ESR1: variants seen among roughly 807,000 people sequenced by gnomAD.
ESR1 encodes the protein estrogen receptor.
Under a neutral mutation model 52.7 loss-of-function variants are expected in ESR1, and 12 were observed. The observed-to-expected ratio is 0.23, with a 90% CI of 0.15 to 0.37. The LOEUF is 0.37. Ranked by LOEUF, ESR1 falls within the 10% of genes least tolerant of loss-of-function variation. The pLI is 1.00. For synonymous variants in ESR1, 305 were observed against 316.8 expected (o/e 0.96, Z 0.39); for missense variants, 584 against 779.7 (o/e 0.75, Z 2.99).
intron 4 of ESR1, among the ~76,000 whole-genome samples, chr6:152,002,185 A>AGTGT (rs10578838): frequency 0.036 from 5,089 of 141,448 alleles, 95 homozygotes; most frequent in Middle Eastern, 0.049. Flanking sequence ...TTTTAAATCA[A>AGTGT]GTGTGTGTGT....
At chr6:151,750,626 T>C (rs773130561) in intron 2 of ESR1, among the ~76,000 whole-genome samples, 16 of 152,160 alleles carry the variant, frequency 1.1e-4, no homozygotes, top group Non-Finnish European at 1.9e-4. Flanking sequence ...TGAGAAACAA[T>C]CCTTTGATTT....
chr6:151,852,639 G>GTTTT lies in ESR1; in HGVS notation c.643+9866_643+9869dup, dbSNP rs35050297. On this transcript the variant is annotated intron_variant, in intron 2 of 7. Coordinates refer to ENST00000206249, the MANE Select transcript of ESR1 (RefSeq NM_000125.4). The stretch of plus-strand genomic sequence containing the variant: ...ATGTCCAAACAAGAACCAAGCAGGT[G>GTTTT]TTTTTTTTTTTTTTTTTGCAGATTA... 1.2e-3 allele frequency among the ~76,000 whole-genome samples: 154 copies of GTTTT among 127,912 alleles called. 1 individual carries two copies. Among genetic ancestry groups the GTTTT allele is most frequent in the East Asian group, 4.4e-3 (18 of 4,062 alleles). The allele number at this position is 127,912 out of a possible 152,430, so 83.9% of individuals were successfully genotyped here.
intron 4 of ESR1, among the ~76,000 whole-genome samples, chr6:151,994,436 T>G (rs960670867): frequency 1.2e-4 from 19 of 152,228 alleles, no homozygotes; most frequent in African/African-American, 4.6e-4. Context: ...CTCTGATTTG[T>G]ATCTCTCACA....
chr6:151,787,049 T>A (rs1160008372), intron 2 of ESR1, among the ~76,000 whole-genome samples: 1 of 152,206 alleles, frequency 6.6e-6, no homozygotes, highest in African/African-American at 2.4e-5. Context: ...CCTCAGTTGA[T>A]CCACCCCACT....
intron 4 of ESR1, among the ~76,000 whole-genome samples, chr6:151,980,257 T>G (rs995472209): frequency 6.6e-5 from 10 of 152,214 alleles, no homozygotes; most frequent in African/African-American, 2.2e-4. Context: ...CCTCCCTGTT[T>G]GCATTCTCGG....
chr6:151,807,876 G>T lies in ESR1; in HGVS notation c.-37G>T. 1 of 1,588,108 alleles carries T rather than the reference G, an allele frequency of 6.3e-7. No individual in the cohort carries two copies. The highest frequency in any genetic ancestry group is 2.3e-5 in the East Asian group (1 of 44,306). ...CCGGTTTCTGAGCCTTCTGCCCTGCGGGGACACGGTCTGCACCCTGCCCGC... is the reference window on the plus strand; with the variant it reads ...CCGGTTTCTGAGCCTTCTGCCCTGCTGGGACACGGTCTGCACCCTGCCCGC... On this transcript the variant is annotated 5_prime_UTR_variant, in exon 1 of 8. Transcript: ENST00000206249.
At chr6:151,672,070 C>T (rs560475160) in intron 1 of ESR1, among the ~76,000 whole-genome samples, 3 of 151,974 alleles carry the variant, frequency 2.0e-5, no homozygotes, top group South Asian at 2.1e-4. Context: ...TGGGCTCAAG[C>T]GGTCCTCCCA....
intron 2 of ESR1, among the ~76,000 whole-genome samples, chr6:151,761,270 T>A (rs1784639286): frequency 6.6e-6 from 1 of 152,046 alleles, no homozygotes; most frequent in Non-Finnish European, 1.5e-5. Flanking sequence ...CTTTTTCATA[T>A]ATATTAGATA....
chr6:151,855,699 T>TTTATTGCACATTAAACAATAGAAGAA (rs1787706127), intron 2 of ESR1, among the ~76,000 whole-genome samples: 1 of 151,970 alleles, frequency 6.6e-6, no homozygotes, highest in East Asian at 1.9e-4. Context: ...AATAGAAGAG[T>TTTATTGCACATTAAACAATAGAAGAA]TAAATTCAGC....
intron 5 of ESR1, among the ~76,000 whole-genome samples, chr6:152,030,214 A>G (rs1361894116): frequency 6.6e-6 from 1 of 152,250 alleles, no homozygotes; most frequent in East Asian, 1.9e-4. Context: ...CATCGAGGCT[A>G]GGAAGAAACT....
chr6:152,109,430 C>G (rs1340978555), intron 6 of ESR1, among the ~76,000 whole-genome samples: 1 of 151,890 alleles, frequency 6.6e-6, no homozygotes, highest in Non-Finnish European at 1.5e-5. Flanking sequence ...CTTTGAGAGG[C>G]CAAGGCGGGC....
At chr6:151,979,415 A>G (rs757298241) in intron 4 of ESR1, among the ~76,000 whole-genome samples, 1 of 152,140 alleles carries the variant, frequency 6.6e-6, no homozygotes, top group Admixed American at 6.5e-5. Flanking sequence ...AATATACAAC[A>G]TTTCCTCCTT....
chr6:151,677,495 C>T (rs945629103), intron 1 of ESR1, among the ~76,000 whole-genome samples: 2 of 152,116 alleles, frequency 1.3e-5, no homozygotes, highest in Admixed American at 6.5e-5. Flanking sequence ...TTAGGGTGTC[C>T]GGTTTTTCTT....
At chr6:152,020,593 C>T (rs959834227) in intron 5 of ESR1, among the ~76,000 whole-genome samples, 11 of 151,876 alleles carry the variant, frequency 7.2e-5, no homozygotes, top group African/African-American at 1.7e-4. Flanking sequence ...TGGGATTACA[C>T]GCATGCGCCA....
intron 2 of ESR1, among the ~76,000 whole-genome samples, chr6:151,761,185 TA>T: frequency 6.6e-6 from 1 of 151,292 alleles, no homozygotes; most frequent in Non-Finnish European, 1.5e-5. Flanking sequence ...AAAAAAAAAC[TA>T]GAACAGCAAT....
chr6:151,885,410 T>G (rs1562512476), intron 3 of ESR1, among the ~76,000 whole-genome samples: 1 of 152,164 alleles, frequency 6.6e-6, no homozygotes, highest in Non-Finnish European at 1.5e-5. Flanking sequence ...AAGACATATA[T>G]TATTACTCAA....
upstream of ESR1, among the ~76,000 whole-genome samples, chr6:151,686,516 T>C (rs1778685186): frequency 6.6e-6 from 1 of 152,124 alleles, no homozygotes; most frequent in Non-Finnish European, 1.5e-5. Context: ...AAACCCCGTC[T>C]CTACTAAAAA....
At position 151,710,954 on chromosome 6, in the gene ESR1, TG is replaced by T. The variant is rs1483419829; in HGVS notation, c.-71+8952del. ...TTTTCTTAATCCAGTCTATCATTGA[TG>T]GGCATTTGGGTTGGTTCCAAGTCTT... is the stretch of plus-strand genomic sequence containing the variant. On this transcript the variant is annotated intron_variant, in intron 2 of 2. Transcript: ENST00000404742. 4.6e-5 allele frequency among the ~76,000 whole-genome samples: 7 copies of T among 152,346 alleles called. No homozygotes were observed. The South Asian group carries it at 1.0e-3, about 23-fold the overall frequency.
upstream of ESR1, among the ~76,000 whole-genome samples, chr6:151,801,740 T>C (rs562340335): frequency 6.6e-6 from 1 of 152,348 alleles, no homozygotes; most frequent in Admixed American, 6.5e-5. Flanking sequence ...ACTTAAAGAT[T>C]CATGACTAGA....
Sources: allele counts gnomAD v4.1 joint callset (sites outside exome capture counted in the v4.1 genomes callset), GRCh38; gene constraint gnomAD v4.1.1; transcripts MANE v1.5; gene names NCBI Gene and HGNC (gene_info 2026-07-23, HGNC 2026-07-21).